The following ZDHHC14 variants were observed in gnomAD, a reference collection of about 807,000 sequenced individuals.
ZDHHC14 encodes palmitoyltransferase ZDHHC14.
A neutral mutation model predicts 47.7 loss-of-function variants in ZDHHC14; 16 were observed. The observed-to-expected ratio is 0.34, with a 90% CI of 0.23 to 0.51. ZDHHC14 has a LOEUF of 0.51. Among genes scored for constraint, ZDHHC14 ranks in the 20% least tolerant of loss-of-function variants. The pLI is 0.97. For missense variants in ZDHHC14, 515 were observed against 662.5 expected, an observed-to-expected ratio of 0.78 and a Z score of 2.44; for synonymous variants, 293 against 278.9, an observed-to-expected ratio of 1.05 and a Z score of -0.50.
At chr6:157,459,135 CCA>C (rs1366518959) in intron 1 of ZDHHC14, among the ~76,000 whole-genome samples, 1 of 152,008 alleles carries the variant, frequency 6.6e-6, no homozygotes, top group African/African-American at 2.4e-5. Context: ...TAACTGTTTA[CCA>C]GAGTAGTGTT....
intron 5 of ZDHHC14, among the ~76,000 whole-genome samples, chr6:157,643,648 C>CAA (rs1440416275): frequency 3.2e-4 from 11 of 34,208 alleles, no homozygotes; most frequent in East Asian, 8.3e-4. Flanking sequence ...AACTTCATCT[C>CAA]AAATATATAT....
At chr6:157,508,393 G>T (rs1027799822) in intron 1 of ZDHHC14, among the ~76,000 whole-genome samples, 2 of 152,096 alleles carry the variant, frequency 1.3e-5, no homozygotes, top group African/African-American at 4.8e-5. Flanking sequence ...TTGAGACAGG[G>T]TCTTACTCTG....
At chr6:157,421,218 G>A (rs1778093361) in intron 1 of ZDHHC14, among the ~76,000 whole-genome samples, 1 of 152,018 alleles carries the variant, frequency 6.6e-6, no homozygotes, top group African/African-American at 2.4e-5. Flanking sequence ...GAAGCAAACT[G>A]CCTGGGCGCG....
intron 1 of ZDHHC14, among the ~76,000 whole-genome samples, chr6:157,541,643 G>A (rs1433958858): frequency 1.3e-5 from 2 of 152,162 alleles, no homozygotes; most frequent in African/African-American, 2.4e-5. Flanking sequence ...TTAATGTGGC[G>A]ACAATGGACT....
At chr6:157,552,350 G>A (rs928379148) in intron 2 of ZDHHC14, among the ~76,000 whole-genome samples, 2 of 151,982 alleles carry the variant, frequency 1.3e-5, no homozygotes, top group African/African-American at 4.8e-5. Flanking sequence ...CAGGGCAGGC[G>A]GCACATTGGG....
chr6:157,478,025 A>G (rs1276081928), intron 1 of ZDHHC14, among the ~76,000 whole-genome samples: 2 of 152,182 alleles, frequency 1.3e-5, no homozygotes. Flanking sequence ...ACCCTTTGTC[A>G]TTCAGTTAAT....
chr6:157,617,984 T>G (rs1233432868), intron 3 of ZDHHC14, among the ~76,000 whole-genome samples: 3 of 152,228 alleles, frequency 2.0e-5, no homozygotes, highest in Non-Finnish European at 4.4e-5. Context: ...ATGGCACTAT[T>G]GATTTCAAGA....
chr6:157,420,872 G>A (rs1778086158), intron 1 of ZDHHC14, among the ~76,000 whole-genome samples: 1 of 152,112 alleles, frequency 6.6e-6, no homozygotes, highest in Non-Finnish European at 1.5e-5. Context: ...CCTCTTCCTT[G>A]GCAACAGAGC....
chr6:157,544,468 T>C (rs1034223726), intron 2 of ZDHHC14, among the ~76,000 whole-genome samples: 1 of 152,024 alleles, frequency 6.6e-6, no homozygotes, highest in Admixed American at 6.6e-5. Context: ...GCCAACCTGG[T>C]GAAACCCCAT....
intron 1 of ZDHHC14, among the ~76,000 whole-genome samples, chr6:157,520,523 C>A (rs1780876465): frequency 1.3e-5 from 2 of 152,142 alleles, no homozygotes; most frequent in African/African-American, 4.8e-5. Context: ...ATGGTTTGAG[C>A]CAAGTCCTAA....
In ZDHHC14 at chr6:157,672,776, C is replaced by G; in HGVS notation, c.1121C>G (p.Ala374Gly). The change falls in exon 9 of 9, where the codon GCC (alanine) becomes GGC (glycine). Residue 374 changes from alanine to glycine, a missense_variant. Physicochemically the swap from Ala to Gly is moderately conservative, Grantham distance 60. Transcript: ENST00000359775. ...ACCAAATTCGTTTTGCAGGCTGCAG[C>G]CACGCCCCTGCTGCAGAGCGAGCCC... is the stretch of plus-strand genomic sequence containing the variant. The part of the protein sequence containing the change: ...QSTKFVLQAA[A>G]TPLLQSEPSL... 6.2e-7 allele frequency: 1 copy of G among 1,612,846 alleles called. No homozygotes were observed. The highest frequency in any genetic ancestry group is 8.5e-7 in the Non-Finnish European group (1 of 1,179,876).
At chr6:157,544,650 AAAC>A (rs539123195) in intron 2 of ZDHHC14, among the ~76,000 whole-genome samples, 29 of 121,460 alleles carry the variant, frequency 2.4e-4, no homozygotes, top group Admixed American at 1.0e-3. Context: ...ACTCTGTGTC[AAAC>A]AACAACAACA....
intron 1 of ZDHHC14, among the ~76,000 whole-genome samples, chr6:157,419,853 G>A (rs971204925): frequency 1.3e-5 from 2 of 152,204 alleles, no homozygotes; most frequent in African/African-American, 4.8e-5. Flanking sequence ...AGCTGTGTAG[G>A]AAACCACTAC....
intron 3 of ZDHHC14, among the ~76,000 whole-genome samples, chr6:157,603,092 A>G (rs910547014): frequency 6.6e-6 from 1 of 152,126 alleles, no homozygotes; most frequent in Non-Finnish European, 1.5e-5. Context: ...GCAGGCTGGG[A>G]CGTCCACAGT....
chr6:157,575,938 A>T (rs1207939410), intron 2 of ZDHHC14, among the ~76,000 whole-genome samples: 3 of 151,962 alleles, frequency 2.0e-5, no homozygotes, highest in Non-Finnish European at 2.9e-5. Context: ...AGGACTCACT[A>T]CTCGGCTGCC....
At chr6:157,509,027 A>G (rs531333504) in intron 1 of ZDHHC14, among the ~76,000 whole-genome samples, 2 of 152,278 alleles carry the variant, frequency 1.3e-5, no homozygotes, top group African/African-American at 4.8e-5. Flanking sequence ...CCAGGGGTTA[A>G]CCTCAGCTTC....
chr6:157,621,446 C>T (rs535804717), intron 3 of ZDHHC14, among the ~76,000 whole-genome samples: 2 of 152,260 alleles, frequency 1.3e-5, no homozygotes, highest in South Asian at 4.2e-4. Context: ...ATTTAAACTT[C>T]AATTGCACAT....
intron 2 of ZDHHC14, among the ~76,000 whole-genome samples, chr6:157,564,664 T>G (rs941384932): frequency 6.6e-6 from 1 of 152,212 alleles, no homozygotes; most frequent in Non-Finnish European, 1.5e-5. Context: ...AAGAAATAAT[T>G]TCTTAAATCT....
At chr6:157,661,166 G>C (rs1778328809) in intron 8 of ZDHHC14, among the ~76,000 whole-genome samples, 1 of 152,142 alleles carries the variant, frequency 6.6e-6, no homozygotes, top group South Asian at 2.1e-4. Flanking sequence ...TGGAATGTGG[G>C]TGCCCATGGA....
Sources: allele counts gnomAD v4.1 joint callset (sites outside exome capture counted in the v4.1 genomes callset), GRCh38; gene constraint gnomAD v4.1.1; transcripts MANE v1.5; gene names NCBI Gene and HGNC (gene_info 2026-07-23, HGNC 2026-07-21).